The following DTWD2 variants were observed in gnomAD, a reference collection of about 807,000 sequenced individuals.
The protein encoded by DTWD2 is tRNA-uridine aminocarboxypropyltransferase 2.
In DTWD2, 39 loss-of-function variants were observed where a neutral mutation model predicts 31.8. The observed-to-expected ratio is 1.22, with a 90% confidence interval of 0.95 to 1.60. The LOEUF (loss-of-function observed/expected upper bound fraction) is 1.60. DTWD2 is among the 40% of genes most tolerant of loss of function. The pLI, the probability that DTWD2 is intolerant of heterozygous loss-of-function variation, is 0.00. For synonymous variants in DTWD2, 180 were observed against 142.8 expected, an observed-to-expected ratio of 1.26 and a Z score of -1.86; for missense variants, 515 against 381.5, an observed-to-expected ratio of 1.35 and a Z score of -2.92.
In DTWD2 at chr5:118,845,808, G is replaced by C. The variant is rs1251541273; in HGVS notation, c.726+2282C>G. ...TTTTGTTAGATATTACACTCAGAAT[G>C]TATTTTGCAAGTCTCAAGTTGTCAC... On this transcript the variant is annotated intron_variant, in intron 5 of 5. Coordinates refer to ENST00000510708, the MANE Select transcript of DTWD2 (RefSeq NM_173666.4). Among the ~76,000 whole-genome samples, 3 of 152,150 alleles carry C rather than the reference G, an allele frequency of 2.0e-5. No homozygotes were observed. In the East Asian group the frequency reaches 5.8e-4, roughly 29 times the overall value.
intron 1 of DTWD2, among the ~76,000 whole-genome samples, chr5:118,977,793 A>C (rs1279755604): frequency 6.6e-6 from 1 of 152,242 alleles, no homozygotes; most frequent in Non-Finnish European, 1.5e-5. Flanking sequence ...ATTCCAATTA[A>C]ACTACCATTA....
intron 1 of DTWD2, among the ~76,000 whole-genome samples, chr5:118,965,153 C>T (rs1754805572): frequency 6.7e-6 from 1 of 148,768 alleles, no homozygotes; most frequent in African/African-American, 2.5e-5. Flanking sequence ...GTAAGGAGCC[C>T]CTCCGCCCGG....
At chr5:118,974,192 G>T in intron 1 of DTWD2, 2 of 1,393,316 alleles carry the variant, frequency 1.4e-6, no homozygotes, top group Non-Finnish European at 2.0e-6. Flanking sequence ...TCCACTTCCC[G>T]TCTCAGAATC....
rs543916287 is a variant in DTWD2 at position 118,918,858 on chromosome 5, C to T, written c.597+9679G>A. Among the ~76,000 whole-genome samples, 44 of 151,712 alleles carry T rather than the reference C, an allele frequency of 2.9e-4. No individual in the cohort carries two copies. In the East Asian group the frequency reaches 7.2e-3, roughly 25 times the overall value. On this transcript the variant is annotated intron_variant, in intron 4 of 5. Transcript: ENST00000510708. The stretch of plus-strand genomic sequence containing the variant: ...AAAAAAAAAAAGAAAAGGAATGTGA[C>T]CTCACAACCACTGGAAAACCTATGC...
intron 1 of DTWD2, among the ~76,000 whole-genome samples, chr5:118,971,110 T>G (rs1449636054): frequency 6.6e-6 from 1 of 152,182 alleles, no homozygotes; most frequent in African/African-American, 2.4e-5. Flanking sequence ...AGCTTCATGA[T>G]GACAGGATCA....
At chr5:118,905,312 G>A (rs1314616954) in intron 4 of DTWD2, among the ~76,000 whole-genome samples, 1 of 152,034 alleles carries the variant, frequency 6.6e-6, no homozygotes, top group African/African-American at 2.4e-5. Flanking sequence ...GCAACTGGAG[G>A]AATTGCTAAT....
chr5:118,876,545 AG>A (rs1752626139), intron 4 of DTWD2, among the ~76,000 whole-genome samples: 1 of 152,174 alleles, frequency 6.6e-6, no homozygotes, highest in South Asian at 2.1e-4. Flanking sequence ...AAACGACAAG[AG>A]GGGTATTACC....
rs1176902348 is a variant in DTWD2, at chr5:118,841,090, G to C, written c.727-3C>G. Reference sequence around the variant, plus strand: ...GCTTGAAGAGGGCGAAGCAAAGTCTGTCAAGAGAAAAAAGACACTAAAAAA... The same window carrying C: ...GCTTGAAGAGGGCGAAGCAAAGTCTCTCAAGAGAAAAAAGACACTAAAAAA... On this transcript the variant is annotated splice_region_variant and splice_polypyrimidine_tract_variant and intron_variant, in intron 5 of 5. Coordinates refer to ENST00000510708, the MANE Select transcript of DTWD2 (RefSeq NM_173666.4). The C allele has an allele frequency of 1.9e-6, 3 of 1,604,128 alleles. No individual in the cohort carries two copies. Among genetic ancestry groups the C allele is most frequent in the Non-Finnish European group, 1.7e-6 (2 of 1,175,040 alleles).
chr5:118,982,516 G>C (rs921452708), intron 1 of DTWD2, among the ~76,000 whole-genome samples: 1 of 151,824 alleles, frequency 6.6e-6, no homozygotes, highest in African/African-American at 2.4e-5. Context: ...CTATTTCAAA[G>C]AATAAACATA....
intron 4 of DTWD2, among the ~76,000 whole-genome samples, chr5:118,851,707 G>A (rs1442908850): frequency 1.8e-5 from 2 of 109,494 alleles, no homozygotes; most frequent in East Asian, 3.1e-4. Flanking sequence ...GGGGAGGGGG[G>A]AGGGATAGCA....
At chr5:118,988,220 C>A (rs1349984550) in intron 1 of DTWD2, 74 bp downstream of exon 1, 9 of 1,523,142 alleles carry the variant, frequency 5.9e-6, no homozygotes, top group African/African-American at 2.7e-5. Flanking sequence ...CCGCCGACTC[C>A]CCGGCAGGGG....
At chr5:118,886,813 A>G (rs1047214688) in intron 4 of DTWD2, among the ~76,000 whole-genome samples, 5 of 152,218 alleles carry the variant, frequency 3.3e-5, no homozygotes, top group Non-Finnish European at 7.3e-5. Context: ...TTTAATTTTA[A>G]AAAGCTAGAT....
rs149510611 is a variant in DTWD2, at chr5:118,981,304, T to C, written c.218+6990A>G. On this transcript the variant is annotated intron_variant, in intron 1 of 5. Coordinates refer to ENST00000510708, the MANE Select transcript of DTWD2 (RefSeq NM_173666.4). The stretch of plus-strand genomic sequence containing the variant: ...ATGGCTACACACATTATATATTTAA[T>C]GTCACTAAACTGTACACTTAAATGA... Among the ~76,000 whole-genome samples the C allele has an allele frequency of 2.2e-4, 34 of 152,300 alleles. No homozygotes were observed. The East Asian group carries it at 4.6e-3, about 21-fold the overall frequency.
intron 4 of DTWD2, among the ~76,000 whole-genome samples, chr5:118,891,545 C>T (rs7724753): frequency 0.2 from 31,149 of 152,106 alleles, 6,205 homozygotes; most frequent in African/African-American, 0.52. Context: ...CTATGCAAAA[C>T]ATCTCTGAAT....
chr5:118,848,079 C>T lies in DTWD2; in HGVS notation c.726+11G>A. On this transcript the variant is annotated intron_variant, in intron 5 of 5. Coordinates refer to ENST00000510708, the MANE Select transcript of DTWD2 (RefSeq NM_173666.4). ...CCCACTTTGAAAAACTATAACCTTA[C>T]AAAGACGTACCTCTTGTATGTAATT... is the stretch of plus-strand genomic sequence containing the variant. The T allele has an allele frequency of 6.5e-7, 1 of 1,533,300 alleles. No individual in the cohort carries two copies. The highest frequency in any genetic ancestry group is 2.4e-5 in the East Asian group (1 of 41,360). The allele number at this position is 1,533,300 out of a possible 1,614,324, so 95.0% of individuals were successfully genotyped here. A position where few individuals can be genotyped will look rare whatever the true frequency, so the allele number is the denominator to read the frequency against.
chr5:118,962,494 A>G (rs1754728744), intron 1 of DTWD2, among the ~76,000 whole-genome samples: 1 of 152,192 alleles, frequency 6.6e-6, no homozygotes, highest in East Asian at 1.9e-4. Flanking sequence ...TTAACACATG[A>G]AAAATTATTA....
chr5:118,977,109 C>T (rs1344226493), intron 1 of DTWD2, among the ~76,000 whole-genome samples: 1 of 152,162 alleles, frequency 6.6e-6, no homozygotes, highest in Non-Finnish European at 1.5e-5. Flanking sequence ...TCAAAAAATG[C>T]ACAAAAAGCC....
chr5:118,983,206 G>A (rs1366770784), intron 1 of DTWD2, among the ~76,000 whole-genome samples: 1 of 152,090 alleles, frequency 6.6e-6, no homozygotes, highest in East Asian at 1.9e-4. Flanking sequence ...GAGTTAAGCA[G>A]GAACGACTGG....
chr5:118,934,047 C>A (rs1272888650), intron 3 of DTWD2, among the ~76,000 whole-genome samples: 4 of 150,174 alleles, frequency 2.7e-5, no homozygotes. Flanking sequence ...GTTTTAAATA[C>A]CATTAAAATA....
Sources: gnomAD v4.1 joint callset for allele counts (sites outside exome capture counted in the v4.1 genomes callset) on GRCh38, gnomAD v4.1.1 for gene constraint, MANE v1.5 for transcripts, NCBI Gene and HGNC (gene_info 2026-07-23, HGNC 2026-07-21) for gene names.